EYS: variants seen among roughly 807,000 people sequenced by gnomAD.
EYS encodes EGF-like photoreceptor maintenance factor, also known as protein eyes shut homolog.
Under a neutral mutation model 282.1 loss-of-function variants are expected in EYS, and 250 were observed. The ratio of observed to expected loss-of-function variants is 0.89; its 90% CI spans 0.80 to 0.98. The LOEUF is 0.98. Ranked by LOEUF, EYS falls within the 50% of genes least tolerant of loss-of-function variation. The pLI is 0.00. For synonymous variants in EYS, 1,355 were observed against 1,282.9 expected (o/e 1.06, Z -1.20); for missense variants, 4,016 against 3,709.0 (o/e 1.08, Z -2.15).
chr6:65,390,967 C>G (rs941378344), intron 7 of EYS, among the ~76,000 whole-genome samples: 1 of 151,976 alleles, frequency 6.6e-6, no homozygotes, highest in African/African-American at 2.4e-5. Context: ...ACAGAGGGCA[C>G]AGTGGAAGAA....
chr6:65,287,346 T>C (rs1394746964), intron 12 of EYS, among the ~76,000 whole-genome samples: 1 of 151,452 alleles, frequency 6.6e-6, no homozygotes, highest in African/African-American at 2.4e-5. Context: ...ATTTGGTCAT[T>C]TCCCTTGGGG....
intron 19 of EYS, among the ~76,000 whole-genome samples, chr6:64,862,243 T>C (rs1244695206): frequency 6.6e-6 from 1 of 152,174 alleles, no homozygotes; most frequent in Non-Finnish European, 1.5e-5. Flanking sequence ...TTTATCTATG[T>C]TTTTCTGTAA....
chr6:65,555,348 A>G (rs1768756528), intron 2 of EYS, among the ~76,000 whole-genome samples: 1 of 152,118 alleles, frequency 6.6e-6, no homozygotes, highest in Non-Finnish European at 1.5e-5. Flanking sequence ...TAAGAAATAA[A>G]TTTACCACCT....
In EYS at chr6:65,495,365, T is replaced by A. The variant is rs928137858; in HGVS notation, c.46A>T (p.Ser16Cys). The A allele has an allele frequency of 1.2e-6, 2 of 1,613,198 alleles. No homozygotes were observed. The highest frequency in any genetic ancestry group is 1.3e-5 in the African/African-American group (1 of 74,948). Residue 16 changes from serine (S) to cysteine (C), a missense_variant, in exon 4 of 43, where the codon AGC becomes TGC. Ser to Cys is a moderately radical substitution (Grantham distance 112, BLOSUM62 -1). Transcript: ENST00000503581. Reference sequence around the variant, plus strand: ...CATGTTTTTCCATTTATGAAAGAGCTGTGAAAAACCATCAGGCTCAGAATG... The same window carrying A: ...CATGTTTTTCCATTTATGAAAGAGCAGTGAAAAACCATCAGGCTCAGAATG... ...IVILSLMVFHSSFINGKTCRR... is the reference protein window; with the variant it reads ...IVILSLMVFHCSFINGKTCRR...
Position 63,721,037 on chromosome 6 carries a change from C to T in EYS, c.8994G>A (p.Met2998Ile), listed in dbSNP as rs1768362528. 1 of 1,551,152 alleles carries T rather than the reference C, an allele frequency of 6.4e-7. No homozygotes were observed. Residue 2998 changes from methionine to isoleucine, a missense_variant, in exon 43 of 43, where the codon ATG (methionine) becomes ATA (isoleucine). Coordinates refer to ENST00000503581, the MANE Select transcript of EYS (RefSeq NM_001142800.2). The part of the protein sequence containing the change: ...TTKTEGLIVW[M>I]GIAQNEENDF... Reference sequence around the variant, plus strand: ...CATTTTCTTCATTTTGAGCTATTCCCATCCATACAATTAGACCTTCTGTTT... The same window carrying T: ...CATTTTCTTCATTTTGAGCTATTCCTATCCATACAATTAGACCTTCTGTTT...
chr6:65,497,332 G>C (rs1313643917), intron 2 of EYS, among the ~76,000 whole-genome samples: 3 of 152,018 alleles, frequency 2.0e-5, no homozygotes, highest in Non-Finnish European at 4.4e-5. Flanking sequence ...AACAGTCTGA[G>C]ACATGTAGCA....
chr6:65,393,397 A>T (rs2150358031), intron 7 of EYS, among the ~76,000 whole-genome samples: 1 of 152,334 alleles, frequency 6.6e-6, no homozygotes, highest in Middle Eastern at 3.4e-3. Flanking sequence ...CTTTTGAGAT[A>T]ATTAACTCCA....
chr6:64,070,110 T>G (rs1263280712), intron 32 of EYS, among the ~76,000 whole-genome samples: 2 of 152,088 alleles, frequency 1.3e-5, no homozygotes, highest in East Asian at 3.9e-4. Context: ...TTTTCATAAC[T>G]TTTTCAAATA....
intron 28 of EYS, among the ~76,000 whole-genome samples, chr6:64,416,773 C>G (rs897559254): frequency 6.6e-6 from 1 of 151,910 alleles, no homozygotes; most frequent in Non-Finnish European, 1.5e-5. Context: ...GTAAATTTTC[C>G]AAATATTACT....
At chr6:64,042,984 C>G (rs531902872) in intron 33 of EYS, among the ~76,000 whole-genome samples, 1 of 152,222 alleles carries the variant, frequency 6.6e-6, no homozygotes, top group African/African-American at 2.4e-5. Context: ...TGACCTTGGA[C>G]AAGTTATTTA....
intron 30 of EYS, among the ~76,000 whole-genome samples, chr6:64,289,851 A>G (rs549396992): frequency 1.6e-4 from 25 of 152,138 alleles, no homozygotes; most frequent in Non-Finnish European, 2.9e-4. Context: ...TAGAAATTTG[A>G]ATTTTGATTT....
chr6:64,610,403 AAT>A (rs1767076455), intron 24 of EYS, among the ~76,000 whole-genome samples: 1 of 128,334 alleles, frequency 7.8e-6, no homozygotes, highest in Non-Finnish European at 1.6e-5. Context: ...CTGTTGTAAG[AAT>A]TTTTTTTTTT....
intron 32 of EYS, 56 bp downstream of exon 32, chr6:64,081,800 G>C: frequency 7.7e-7 from 1 of 1,292,652 alleles, no homozygotes. Flanking sequence ...TGATTCAATA[G>C]ATCAACGTTT....
intron 12 of EYS, among the ~76,000 whole-genome samples, chr6:65,119,142 G>GT (rs1775457641): frequency 6.6e-6 from 1 of 152,092 alleles, no homozygotes. Flanking sequence ...AGAAGAACTA[G>GT]TTTATGTATT....
Position 63,720,988 on chromosome 6 carries a change from T to G in EYS, c.9043A>C (p.Asn3015His). The change falls in exon 43 of 43, where the codon AAT (asparagine) becomes CAT (histidine). Residue 3015 changes from asparagine (N) to histidine (H), a missense_variant. Asn to His is a moderately conservative substitution (Grantham distance 68, BLOSUM62 1). Transcript: ENST00000503581. ...TTAACTGCTATTTTCAAGGTCTGAT[T>G]ATGGAGACCAATTGCCAGAAAATCA... ...ENDFLAIGLH[N>H]QTLKIAVNLG... 1 of 1,551,396 alleles carries G rather than the reference T, an allele frequency of 6.4e-7. No individual in the cohort carries two copies. The highest frequency in any genetic ancestry group is 8.7e-7 in the Non-Finnish European group (1 of 1,146,804).
In EYS at chr6:63,952,134, C is replaced by T. The variant is rs143261922; in HGVS notation, c.7055+32249G>A. ...GAACTTCAAAATGCCTAAGCCACAGCGGTTAAGCATTCCTACAGGACCTCC... is the reference window on the plus strand; with the variant it reads ...GAACTTCAAAATGCCTAAGCCACAGTGGTTAAGCATTCCTACAGGACCTCC... On this transcript the variant is annotated intron_variant, in intron 35 of 42. Coordinates refer to ENST00000503581, the MANE Select transcript of EYS (RefSeq NM_001142800.2). Among the ~76,000 whole-genome samples, 35 of 152,350 alleles carry T rather than the reference C, an allele frequency of 2.3e-4. No individual in the cohort carries two copies. The East Asian group carries it at 3.3e-3, about 14-fold the overall frequency.
intron 5 of EYS, among the ~76,000 whole-genome samples, chr6:65,441,145 A>C: frequency 6.6e-6 from 1 of 151,092 alleles, no homozygotes; most frequent in East Asian, 1.9e-4. Context: ...TGCTGATAAT[A>C]TTTTTTGCTA....
chr6:65,094,164 T>A (rs182516972), intron 12 of EYS, among the ~76,000 whole-genome samples: 281 of 151,022 alleles, frequency 1.9e-3, no homozygotes, highest in Middle Eastern at 0.01. Flanking sequence ...ATCAGGAAGA[T>A]AAAACAATTA....
intron 30 of EYS, among the ~76,000 whole-genome samples, chr6:64,253,991 A>C (rs1767309903): frequency 6.6e-6 from 1 of 152,004 alleles, no homozygotes; most frequent in African/African-American, 2.4e-5. Context: ...ACTTCCCCTC[A>C]TTCTGGGAAC....
Sources: allele counts gnomAD v4.1 joint callset (sites outside exome capture counted in the v4.1 genomes callset), GRCh38; gene constraint gnomAD v4.1.1; transcripts MANE v1.5; gene names NCBI Gene and HGNC (gene_info 2026-07-23, HGNC 2026-07-21).